RAD51B: variants seen among roughly 807,000 people sequenced by gnomAD.
RAD51B encodes the protein DNA repair protein RAD51 homolog 2.
A neutral mutation model predicts 42.2 loss-of-function variants in RAD51B; 38 were observed. That is an observed-to-expected ratio of 0.90 (90% CI 0.70 to 1.18). RAD51B has a LOEUF of 1.18. RAD51B is among the 50% of genes most tolerant of loss of function. RAD51B has a pLI of 0.00. For synonymous variants in RAD51B, 154 were observed against 145.2 expected, an observed-to-expected ratio of 1.06 and a Z score of -0.43; for missense variants, 373 against 400.7, an observed-to-expected ratio of 0.93 and a Z score of 0.59.
At chr14:67,995,344 G>A (rs572579577) in intron 7 of RAD51B, among the ~76,000 whole-genome samples, 9 of 151,902 alleles carry the variant, frequency 5.9e-5, no homozygotes, top group East Asian at 1.9e-4. Context: ...CCGAGATCAC[G>A]CCACTACTCC....
chr14:68,382,606 T>A (rs1175496713), intron 8 of RAD51B, among the ~76,000 whole-genome samples: 1 of 152,240 alleles, frequency 6.6e-6, no homozygotes, highest in Non-Finnish European at 1.5e-5. Flanking sequence ...GACTTAGAAC[T>A]TAATACTCTT....
At chr14:68,337,864 T>G (rs1469863661) in intron 8 of RAD51B, among the ~76,000 whole-genome samples, 1 of 152,136 alleles carries the variant, frequency 6.6e-6, no homozygotes, top group Non-Finnish European at 1.5e-5. Context: ...CTCGACCTCC[T>G]TGGCTCAGGC....
chr14:68,339,286 G>T, intron 8 of RAD51B: 2 of 914,378 alleles, frequency 2.2e-6, no homozygotes, highest in East Asian at 2.4e-5. Flanking sequence ...TGGGTGAACT[G>T]GTTAATGGCA....
intron 10 of RAD51B, among the ~76,000 whole-genome samples, chr14:68,601,601 C>CT (rs1391232125): frequency 6.6e-6 from 1 of 152,142 alleles, no homozygotes; most frequent in East Asian, 1.9e-4. Flanking sequence ...ATGTTGATGA[C>CT]TGAGTTTCAT....
At chr14:68,032,317 G>A (rs1343138036) in intron 7 of RAD51B, among the ~76,000 whole-genome samples, 9 of 151,964 alleles carry the variant, frequency 5.9e-5, no homozygotes, top group Admixed American at 5.9e-4. Flanking sequence ...TCAGTATTTA[G>A]CACTCTCTCT....
At chr14:68,024,923 G>A (rs879887174) in intron 7 of RAD51B, among the ~76,000 whole-genome samples, 5 of 152,068 alleles carry the variant, frequency 3.3e-5, no homozygotes, top group Non-Finnish European at 5.9e-5. Flanking sequence ...CCTTTTTCTT[G>A]TTCCAGTTCT....
At position 67,825,876 on chromosome 14, in the gene RAD51B, C is replaced by T. The variant is rs7154440; in HGVS notation, c.198+299C>T. On this transcript the variant is annotated intron_variant, in intron 3 of 10. Transcript: ENST00000471583. ...TCCTGAGTAGCTGGGATTACAGGCACGGTGCTACCAAGCCAACTTATTTTT... is the reference window on the plus strand; with the variant it reads ...TCCTGAGTAGCTGGGATTACAGGCATGGTGCTACCAAGCCAACTTATTTTT... 5.8e-3 allele frequency among the ~76,000 whole-genome samples: 875 copies of T among 152,120 alleles called. 11 individuals are homozygous for T. Among genetic ancestry groups the T allele is most frequent in the African/African-American group, 0.019 (809 of 41,488 alleles).
At chr14:67,828,355 T>A (rs2040905623) in intron 3 of RAD51B, among the ~76,000 whole-genome samples, 1 of 152,078 alleles carries the variant, frequency 6.6e-6, no homozygotes, top group Non-Finnish European at 1.5e-5. Context: ...TTTTTTTTTC[T>A]TGTAAATTTG....
chr14:68,469,565 A>G (rs2140236591), intron 10 of RAD51B, among the ~76,000 whole-genome samples: 1 of 152,364 alleles, frequency 6.6e-6, no homozygotes, highest in East Asian at 1.9e-4. Flanking sequence ...ACAAAGGAGC[A>G]GAGATTTTAA....
At chr14:68,083,508 C>G (rs959364868) in intron 7 of RAD51B, among the ~76,000 whole-genome samples, 1 of 152,114 alleles carries the variant, frequency 6.6e-6, no homozygotes, top group Non-Finnish European at 1.5e-5. Context: ...ATTTTGCGCT[C>G]GTTGTATCAT....
intron 7 of RAD51B, among the ~76,000 whole-genome samples, chr14:67,934,671 T>C (rs371214530): frequency 2.6e-5 from 4 of 152,356 alleles, no homozygotes; most frequent in South Asian, 4.1e-4. Context: ...TTTCGTATTC[T>C]CTATTTCATT....
chr14:68,466,336 TC>T (rs2085986458), intron 9 of RAD51B, among the ~76,000 whole-genome samples: 1 of 152,252 alleles, frequency 6.6e-6, no homozygotes, highest in African/African-American at 2.4e-5. Flanking sequence ...CTTAATTTAA[TC>T]CTCATAATAA....
exon 11 of RAD51B, chr14:68,594,799 A>C: frequency 8.1e-7 from 1 of 1,239,006 alleles, no homozygotes; most frequent in Non-Finnish European, 1.0e-6. Context: ...AGAATGAGAA[A>C]GGGGGCAATG....
At chr14:67,982,520 C>G (rs1026448981) in intron 7 of RAD51B, among the ~76,000 whole-genome samples, 1 of 152,008 alleles carries the variant, frequency 6.6e-6, no homozygotes, top group Non-Finnish European at 1.5e-5. Flanking sequence ...AGGAGAAGAC[C>G]ATTTCATAAA....
At chr14:68,580,705 ACTCT>A (rs1481546382) in intron 10 of RAD51B, among the ~76,000 whole-genome samples, 7 of 151,106 alleles carry the variant, frequency 4.6e-5, no homozygotes, top group African/African-American at 1.7e-4. Context: ...GGTGCCCATG[ACTCT>A]CTTCTTCCCT....
At chr14:68,289,889 G>A (rs569591722) in intron 7 of RAD51B, among the ~76,000 whole-genome samples, 147 of 152,276 alleles carry the variant, frequency 9.7e-4, no homozygotes, top group African/African-American at 3.4e-3. Context: ...GATAAGATTA[G>A]CAAATACTGA....
intron 7 of RAD51B, among the ~76,000 whole-genome samples, chr14:68,214,667 T>G (rs550850872): frequency 6.6e-6 from 1 of 152,330 alleles, no homozygotes; most frequent in African/African-American, 2.4e-5. Flanking sequence ...TTCCAACTGT[T>G]TGTTCACGAG....
chr14:68,291,989 T>C lies in RAD51B; in HGVS notation c.853+9T>C. 6.2e-7 allele frequency: 1 copy of C among 1,605,532 alleles called. No homozygotes were observed. The highest frequency in any genetic ancestry group is 8.5e-7 in the Non-Finnish European group (1 of 1,172,248). ...TTTGTCCCTGTCTGAAGGTAAGGAATCTGTCCTGGAGAGGCTGAAACTTGA... is the reference window on the plus strand; with the variant it reads ...TTTGTCCCTGTCTGAAGGTAAGGAACCTGTCCTGGAGAGGCTGAAACTTGA... On this transcript the variant is annotated intron_variant, in intron 8 of 10. Transcript: ENST00000471583.
At chr14:68,168,198 T>C (rs1394429964) in intron 7 of RAD51B, among the ~76,000 whole-genome samples, 1 of 152,148 alleles carries the variant, frequency 6.6e-6, no homozygotes, top group African/African-American at 2.4e-5. Context: ...ATATATGGAA[T>C]TGTATGAAAT....
Sources: allele counts gnomAD v4.1 joint callset (sites outside exome capture counted in the v4.1 genomes callset), GRCh38; gene constraint gnomAD v4.1.1; transcripts MANE v1.5; gene names NCBI Gene and HGNC (gene_info 2026-07-23, HGNC 2026-07-21).